ELP1: variants seen among roughly 807,000 people sequenced by gnomAD.
ELP1 encodes elongator acetyltransferase complex subunit 1.
Under a neutral mutation model 183.2 loss-of-function variants are expected in ELP1, and 131 were observed. The ratio of observed to expected loss-of-function variants is 0.72; its 90% CI spans 0.62 to 0.83. The LOEUF (loss-of-function observed/expected upper bound fraction) is 0.83. ELP1 is among the 40% of genes least tolerant of loss of function. The probability of loss-of-function intolerance (pLI) is 0.00; values close to 1 mark genes in which losing one functional copy is unlikely to be tolerated. For missense variants in ELP1, 1,550 were observed against 1,594.9 expected (o/e 0.97, Z 0.48); for synonymous variants, 555 against 569.0 (o/e 0.98, Z 0.35).
At chr9:108,900,025 A>G (rs1414222417) in intron 19 of ELP1, 130 bp from the exon 20 acceptor site, 11 of 870,436 alleles carry the variant, frequency 1.3e-5, no homozygotes. Flanking sequence ...TTTTAGCAGA[A>G]TCTTGTTGTT....
chr9:108,877,542 C>T lies in ELP1; in HGVS notation c.3855+453G>A, dbSNP rs544115422. Among the ~76,000 whole-genome samples, 4 of 152,222 alleles carry T rather than the reference C, an allele frequency of 2.6e-5. No homozygotes were observed. In the South Asian group the frequency reaches 6.2e-4, roughly 24 times the overall value. On this transcript the variant is annotated intron_variant, in intron 35 of 36. Transcript: ENST00000374647. ...AGCTGATTCAGCCTTAAACACAACCCGCAAAGTCCATCATAACAACATAGA... is the reference window on the plus strand; with the variant it reads ...AGCTGATTCAGCCTTAAACACAACCTGCAAAGTCCATCATAACAACATAGA...
At chr9:108,891,865 TA>T (rs1480549080) in intron 27 of ELP1, among the ~76,000 whole-genome samples, 15 of 151,942 alleles carry the variant, frequency 9.9e-5, no homozygotes, top group African/African-American at 3.4e-4. Flanking sequence ...CGTGATGAGA[TA>T]GGGGGCACCA....
chr9:108,922,231 T>G (rs1829670861), intron 6 of ELP1, among the ~76,000 whole-genome samples: 1 of 152,058 alleles, frequency 6.6e-6, no homozygotes, highest in African/African-American at 2.4e-5. Context: ...AATATAAGAG[T>G]TTAAATGAAT....
intron 9 of ELP1, 29 bp downstream of exon 9, chr9:108,917,518 T>C: frequency 6.2e-7 from 1 of 1,611,032 alleles, no homozygotes; most frequent in South Asian, 1.1e-5. Flanking sequence ...TCCTCTACAT[T>C]CGAGGGTGAA....
intron 11 of ELP1, 43 bp downstream of exon 11, chr9:108,912,221 A>G: frequency 6.8e-7 from 1 of 1,467,224 alleles, no homozygotes; most frequent in South Asian, 1.1e-5. Flanking sequence ...CCCTAGGCTC[A>G]GGACCCCTTG....
At position 108,921,853 on chromosome 9, in the gene ELP1, C is replaced by T. The variant is rs574748334; in HGVS notation, c.552+989G>A. The stretch of plus-strand genomic sequence containing the variant: ...AAAAGTTTCAAAAATTATTTGTCTA[C>T]TAAAACAAAAGCAGCAACTACCATT... On this transcript the variant is annotated intron_variant, in intron 6 of 36. Transcript: ENST00000374647. Among the ~76,000 whole-genome samples, 10 of 152,314 alleles carry T rather than the reference C, an allele frequency of 6.6e-5. No individual in the cohort carries two copies. The South Asian group carries it at 2.1e-3, about 32-fold the overall frequency.
In ELP1 at chr9:108,874,989, G is replaced by A. The variant is rs765183062; in HGVS notation, c.3856-19C>T. 2 of 1,541,492 alleles carry A rather than the reference G, an allele frequency of 1.3e-6. No homozygotes were observed. Among genetic ancestry groups the A allele is most frequent in the Admixed American group, 3.3e-5 (2 of 59,900 alleles). ...CTAGAACCTGAGGAGAAAATAGACTGTATCAGCAAAGATTATCTAATACTT... is the reference window on the plus strand; with the variant it reads ...CTAGAACCTGAGGAGAAAATAGACTATATCAGCAAAGATTATCTAATACTT... On this transcript the variant is annotated intron_variant, in intron 35 of 36. Coordinates refer to ENST00000374647, the MANE Select transcript of ELP1 (RefSeq NM_003640.5).
intron 12 of ELP1, among the ~76,000 whole-genome samples, chr9:108,910,245 A>T (rs915805420): frequency 4.6e-5 from 7 of 152,230 alleles, no homozygotes; most frequent in African/African-American, 1.7e-4. Flanking sequence ...AACTGGTGAT[A>T]CATCCAGATA....
intron 2 of ELP1, among the ~76,000 whole-genome samples, chr9:108,930,334 G>C (rs1269341940): frequency 6.6e-6 from 1 of 152,188 alleles, no homozygotes; most frequent in Non-Finnish European, 1.5e-5. Context: ...AGTACATATA[G>C]TTAGGAGCCA....
Position 108,901,765 on chromosome 9 carries a change from C to T in ELP1, c.1855-84G>A, listed in dbSNP as rs963582991. The T allele has an allele frequency of 5.4e-6, 7 of 1,288,504 alleles. No homozygotes were observed. The African/African-American group carries it at 1.0e-4, about 19-fold the overall frequency. 79.8% of individuals were successfully genotyped at this position (1,288,504 alleles called of 1,614,324 possible). ...CTTTTCTATCACATAGTTCTACCAC[C>T]CTATGATTTCACACCTAAGTTCCTG... On this transcript the variant is annotated intron_variant, in intron 16 of 36. Coordinates refer to ENST00000374647, the MANE Select transcript of ELP1 (RefSeq NM_003640.5).
intron 13 of ELP1, 68 bp downstream of exon 13, chr9:108,908,236 GA>G: frequency 8.7e-7 from 1 of 1,146,988 alleles, no homozygotes; most frequent in East Asian, 2.4e-5. Context: ...ACTGTTATCA[GA>G]TGGCTGAATT....
rs1828810629 is a variant in ELP1, at chr9:108,901,572, G to C, written c.1909-42C>G. On this transcript the variant is annotated intron_variant, in intron 17 of 36. Coordinates refer to ENST00000374647, the MANE Select transcript of ELP1 (RefSeq NM_003640.5). ...GAGAGGCATGGGTGAAAGCTAGCTA[G>C]ATTACTCGGAGCTAACACTGTGAAA... is the stretch of plus-strand genomic sequence containing the variant. 3 of 1,607,158 alleles carry C rather than the reference G, an allele frequency of 1.9e-6. No homozygotes were observed. In the East Asian group the frequency reaches 6.7e-5, roughly 36 times the overall value.
intron 18 of ELP1, 22 bp downstream of exon 18, chr9:108,901,403 G>T: frequency 6.6e-7 from 1 of 1,511,410 alleles, no homozygotes; most frequent in Non-Finnish European, 9.2e-7. Flanking sequence ...GACCATTTCT[G>T]TTTTATACAT....
In ELP1 at chr9:108,927,455, T is replaced by G. The variant is rs757972943; in HGVS notation, c.304-2A>C. 6.2e-7 allele frequency: 1 copy of G among 1,612,168 alleles called. No individual in the cohort carries two copies. Among genetic ancestry groups the G allele is most frequent in the Non-Finnish European group, 8.5e-7 (1 of 1,178,324 alleles). Reference sequence around the variant, plus strand: ...GGCTACACTCCCAACACACTCCAGCTGAGACAGAGAAAATTGAAAAGAGAG... The same window carrying G: ...GGCTACACTCCCAACACACTCCAGCGGAGACAGAGAAAATTGAAAAGAGAG... On this transcript the variant is annotated splice_acceptor_variant, in intron 3 of 36. Transcript: ENST00000374647. LOFTEE classifies it high-confidence loss of function.
chr9:108,886,609 C>T (rs1054529648), intron 29 of ELP1, among the ~76,000 whole-genome samples: 4 of 152,112 alleles, frequency 2.6e-5, no homozygotes, highest in Non-Finnish European at 5.9e-5. Flanking sequence ...AAATTTAACA[C>T]CCATTCATGA....
chr9:108,929,070 T>C (rs1429640939), intron 3 of ELP1, among the ~76,000 whole-genome samples: 1 of 152,264 alleles, frequency 6.6e-6, no homozygotes, highest in Non-Finnish European at 1.5e-5. Context: ...GCCAGGCACA[T>C]GATAGTTAAT....
intron 33 of ELP1, 25 bp downstream of exon 33, chr9:108,879,421 T>C (rs1315154674): frequency 4.6e-6 from 7 of 1,523,564 alleles, no homozygotes; most frequent in African/African-American, 1.4e-5. Context: ...ATATAGTCAA[T>C]GTGCTGAATC....
chr9:108,886,913 A>G (rs1480407704), intron 29 of ELP1, among the ~76,000 whole-genome samples: 2 of 151,996 alleles, frequency 1.3e-5, no homozygotes, highest in Non-Finnish European at 2.9e-5. Context: ...AAAAAAAAAA[A>G]AAAGCAAATA....
At chr9:108,926,775 C>G (rs1829837279) in intron 4 of ELP1, among the ~76,000 whole-genome samples, 172 bp from the exon 5 acceptor site, 2 of 152,142 alleles carry the variant, frequency 1.3e-5, no homozygotes, top group South Asian at 4.1e-4. Context: ...CCCCAAAAAG[C>G]TTTCCCTAGA....
Sources: allele counts gnomAD v4.1 joint callset (sites outside exome capture counted in the v4.1 genomes callset), GRCh38; gene constraint gnomAD v4.1.1; transcripts MANE v1.5; gene names NCBI Gene and HGNC (gene_info 2026-07-23, HGNC 2026-07-21).